ZNF430: variants seen among roughly 807,000 people sequenced by gnomAD.
ZNF430 encodes the protein zinc finger protein 430.
ZNF430 carries 35 observed loss-of-function variants against 56.7 expected under a neutral mutation model. The observed-to-expected ratio is 0.62, with a 90% CI of 0.47 to 0.82. The LOEUF (loss-of-function observed/expected upper bound fraction) is 0.82. Among genes scored for constraint, ZNF430 ranks in the 40% least tolerant of loss-of-function variants. ZNF430 has a pLI of 0.00. For missense variants in ZNF430, 574 were observed against 661.0 expected (o/e 0.87, Z 1.44); for synonymous variants, 212 against 224.3 (o/e 0.94, Z 0.49).
rs1968428421 is a variant in ZNF430 at position 21,059,156 on chromosome 19, G to GCCC, written c.*1135_*1136insCCC. 1 of 152,146 alleles carries GCCC rather than the reference G, an allele frequency of 6.6e-6. No homozygotes were observed. The highest frequency in any genetic ancestry group is 1.9e-4 in the East Asian group (1 of 5,190). 9.4% of individuals were successfully genotyped at this position (152,146 alleles called of 1,614,324 possible). On this transcript the variant is annotated 3_prime_UTR_variant, in exon 5 of 5. Transcript: ENST00000261560. ...ATGAAAATATTTAATCCAAAATTAA[G>GCCC]TCTATGTAAATATCAGAGAATTTAC...
intron 2 of ZNF430, among the ~76,000 whole-genome samples, chr19:21,023,507 C>T (rs1398966050): frequency 6.6e-6 from 1 of 152,026 alleles, no homozygotes; most frequent in Non-Finnish European, 1.5e-5. Flanking sequence ...TTCTCTATTC[C>T]CTTTTTACCC....
At chr19:21,025,541 C>A (rs1967776180) in intron 2 of ZNF430, among the ~76,000 whole-genome samples, 1 of 152,094 alleles carries the variant, frequency 6.6e-6, no homozygotes, top group Admixed American at 6.6e-5. Flanking sequence ...TTACCCAGCC[C>A]CTATTCGAAA....
At chr19:21,051,645 C>T (rs187235301) in intron 4 of ZNF430, among the ~76,000 whole-genome samples, 10 of 152,260 alleles carry the variant, frequency 6.6e-5, no homozygotes, top group Non-Finnish European at 1.2e-4. Flanking sequence ...AGGCTCGTAC[C>T]ACCAAGCCCA....
intron 4 of ZNF430, among the ~76,000 whole-genome samples, chr19:21,043,836 T>A (rs1438555909): frequency 6.6e-6 from 1 of 151,990 alleles, no homozygotes; most frequent in East Asian, 1.9e-4. Context: ...TTCCTAGGTA[T>A]TTTATTCTTT....
chr19:21,033,972 T>C (rs933126364), intron 3 of ZNF430, 114 bp from the exon 4 acceptor site: 1 of 747,486 alleles, frequency 1.3e-6, no homozygotes. Context: ...TATAAATTAG[T>C]ATTTTTAGGA....
At chr19:21,039,447 CTATT>C (rs71174789) in intron 4 of ZNF430, among the ~76,000 whole-genome samples, 7,127 of 128,974 alleles carry the variant, frequency 0.055, 537 homozygotes, top group African/African-American at 0.18. Flanking sequence ...TTTACTTTTG[CTATT>C]TATTTATTTA....
chr19:21,055,175 G>T (rs561236478), intron 4 of ZNF430, among the ~76,000 whole-genome samples: 1 of 150,916 alleles, frequency 6.6e-6, no homozygotes, highest in African/African-American at 2.4e-5. Context: ...ATTTTTTATG[G>T]TTTCTCTCTG....
chr19:21,050,522 T>C (rs984934142), intron 4 of ZNF430, among the ~76,000 whole-genome samples: 1 of 152,226 alleles, frequency 6.6e-6, no homozygotes, highest in African/African-American at 2.4e-5. Flanking sequence ...TATGTAGGTT[T>C]GTTGTGAGTG....
intron 1 of ZNF430, among the ~76,000 whole-genome samples, chr19:21,021,799 T>C (rs147135551): frequency 2.6e-4 from 39 of 150,678 alleles, no homozygotes; most frequent in African/African-American, 9.2e-4. Context: ...TGTAGTAATT[T>C]TCAAAACGAT....
At chr19:21,046,916 C>T (rs1354234392) in intron 4 of ZNF430, among the ~76,000 whole-genome samples, 1 of 152,046 alleles carries the variant, frequency 6.6e-6, no homozygotes, top group Non-Finnish European at 1.5e-5. Context: ...TGGATGATAT[C>T]CTGAAGGATG....
chr19:21,055,395 A>AT (rs1424767279), intron 4 of ZNF430, among the ~76,000 whole-genome samples: 2 of 150,766 alleles, frequency 1.3e-5, no homozygotes, highest in Non-Finnish European at 3.0e-5. Context: ...TTTTGTGTTT[A>AT]TTTTTTAATT....
At chr19:21,031,517 A>T (rs1967901205) in intron 2 of ZNF430, among the ~76,000 whole-genome samples, 1 of 151,756 alleles carries the variant, frequency 6.6e-6, no homozygotes, top group Admixed American at 6.6e-5. Context: ...AGAGAAACAT[A>T]CTTTTATATT....
Position 21,058,622 on chromosome 19 carries a change from T to C in ZNF430, c.*601T>C, listed in dbSNP as rs968631736. ...AATGGTTGTCACACTTCATTATAGG[T>C]AAGATAGTTCATACTGAAGAAAACT... On this transcript the variant is annotated 3_prime_UTR_variant, in exon 5 of 5. Transcript: ENST00000261560. 3 of 155,712 alleles carry C rather than the reference T, an allele frequency of 1.9e-5. No individual in the cohort carries two copies. Among genetic ancestry groups the C allele is most frequent in the Non-Finnish European group, 4.4e-5 (3 of 68,686 alleles). 9.6% of individuals were successfully genotyped at this position (155,712 alleles called of 1,614,324 possible).
intron 4 of ZNF430, among the ~76,000 whole-genome samples, chr19:21,056,334 C>CA (rs1387521296): frequency 6.6e-6 from 1 of 151,948 alleles, no homozygotes; most frequent in African/African-American, 2.4e-5. Flanking sequence ...ACTAAAAATA[C>CA]AAAAATTAGC....
intron 4 of ZNF430, among the ~76,000 whole-genome samples, chr19:21,040,416 A>T (rs1263521921): frequency 6.6e-6 from 1 of 152,220 alleles, no homozygotes; most frequent in East Asian, 1.9e-4. Flanking sequence ...AGTTTTCACT[A>T]CATTAATTCA....
intron 2 of ZNF430, among the ~76,000 whole-genome samples, chr19:21,030,695 C>T (rs1350013132): frequency 6.6e-6 from 1 of 150,794 alleles, no homozygotes; most frequent in Non-Finnish European, 1.5e-5. Flanking sequence ...CTAATGAGCC[C>T]AGGGGGAACA....
rs1437641907 is a variant in ZNF430, at chr19:21,058,694, C to T, written c.*673C>T. Reference sequence around the variant, plus strand: ...GCAAAACTTTTAATGAATGCTCACACCTTATTGCACAGGAGAGCATTTATA... The same window carrying T: ...GCAAAACTTTTAATGAATGCTCACATCTTATTGCACAGGAGAGCATTTATA... On this transcript the variant is annotated 3_prime_UTR_variant, in exon 5 of 5. Transcript: ENST00000261560. 1 of 152,862 alleles carries T rather than the reference C, an allele frequency of 6.5e-6. No individual in the cohort carries two copies. Among genetic ancestry groups the T allele is most frequent in the Non-Finnish European group, 1.5e-5 (1 of 68,074 alleles). 9.5% of individuals were successfully genotyped at this position (152,862 alleles called of 1,614,324 possible).
At chr19:21,055,475 G>T (rs1361498623) in intron 4 of ZNF430, among the ~76,000 whole-genome samples, 2 of 151,578 alleles carry the variant, frequency 1.3e-5, no homozygotes, top group Non-Finnish European at 2.9e-5. Context: ...GTCAGACGGG[G>T]TCTTGCTCTG....
chr19:21,056,349 C>T (rs149212475), intron 4 of ZNF430, among the ~76,000 whole-genome samples: 6,909 of 151,978 alleles, frequency 0.045, 208 homozygotes, highest in Non-Finnish European at 0.062. Flanking sequence ...ATTAGCTGTG[C>T]GTGGTGGTGC....
Sources: gnomAD v4.1 joint callset for allele counts (sites outside exome capture counted in the v4.1 genomes callset) on GRCh38, gnomAD v4.1.1 for gene constraint, MANE v1.5 for transcripts, NCBI Gene and HGNC (gene_info 2026-07-23, HGNC 2026-07-21) for gene names.